The following MCTP1 variants were observed in gnomAD, a reference collection of about 807,000 sequenced individuals.
MCTP1 encodes multiple C2 and transmembrane domain containing 1.
In MCTP1, 69 loss-of-function variants were observed where a neutral mutation model predicts 120.6. That is an observed-to-expected ratio of 0.57 (90% CI 0.47 to 0.70). The LOEUF (loss-of-function observed/expected upper bound fraction) is 0.70. MCTP1 is among the 30% of genes least tolerant of loss of function. MCTP1 has a pLI of 0.00. For synonymous variants in MCTP1, 529 were observed against 493.1 expected, an observed-to-expected ratio of 1.07 and a Z score of -0.96; for missense variants, 1,203 against 1,248.8, an observed-to-expected ratio of 0.96 and a Z score of 0.55.
At chr5:94,894,897 C>G in intron 10 of MCTP1, 62 bp from the exon 11 acceptor site, 1 of 1,015,038 alleles carries the variant, frequency 9.9e-7, no homozygotes. Context: ...TATCAAACAG[C>G]TGTTCAGAGT....
intron 10 of MCTP1, among the ~76,000 whole-genome samples, chr5:94,902,623 CTTATA>C: frequency 6.6e-6 from 1 of 152,222 alleles, no homozygotes; most frequent in Middle Eastern, 3.4e-3. Flanking sequence ...AATATAACAT[CTTATA>C]TTATAAATTG....
At chr5:94,963,612 G>GA (rs913093409) in intron 2 of MCTP1, among the ~76,000 whole-genome samples, 3 of 151,778 alleles carry the variant, frequency 2.0e-5, no homozygotes, top group African/African-American at 7.3e-5. Flanking sequence ...GTCCCCTTTG[G>GA]AAAAATCTCT....
At chr5:95,059,208 C>CATAT (rs60609185) in intron 1 of MCTP1, among the ~76,000 whole-genome samples, 27,529 of 149,420 alleles carry the variant, frequency 0.18, 3,046 homozygotes, top group Non-Finnish European at 0.24. Context: ...GAAAATGTGG[C>CATAT]ATATATATAT....
At chr5:94,748,532 T>A (rs1182838274) in intron 19 of MCTP1, among the ~76,000 whole-genome samples, 4 of 152,326 alleles carry the variant, frequency 2.6e-5, no homozygotes, top group East Asian at 3.9e-4. Flanking sequence ...AGTCCCATGC[T>A]CTGAAAAATT....
At chr5:94,823,692 C>G (rs1257505057) in intron 17 of MCTP1, among the ~76,000 whole-genome samples, 2 of 152,088 alleles carry the variant, frequency 1.3e-5, no homozygotes, top group East Asian at 3.9e-4. Flanking sequence ...AATGTTCTTC[C>G]ATTTGTTTGT....
Position 95,283,966 on chromosome 5 carries a change from T to G in MCTP1, c.610A>C (p.Thr204Pro). ...TCCAGCAGCTGCTCCAGGCAGGCGG[T>G]GCCCGGCAGAGAGGAGCTCTTCTGG... is the stretch of plus-strand genomic sequence containing the variant. ...CHQKSSSLPG[T>P]ACLEQLLEPP... Residue 204 changes from threonine to proline, a missense_variant, in exon 1 of 23, where the codon ACC (threonine) becomes CCC (proline). This residue lies in a region of MCTP1 where 463 missense variants were observed against 377.8 expected (regional missense o/e 1.23). Coordinates refer to ENST00000515393, the MANE Select transcript of MCTP1 (RefSeq NM_024717.7). The G allele has an allele frequency of 7.0e-7, 1 of 1,420,778 alleles. No individual in the cohort carries two copies. The highest frequency in any genetic ancestry group is 9.2e-7 in the Non-Finnish European group (1 of 1,091,658). The allele number at this position is 1,420,778 out of a possible 1,614,324, so 88.0% of individuals were successfully genotyped here. A position where few individuals can be genotyped will look rare whatever the true frequency, so the allele number is the denominator to read the frequency against.
intron 19 of MCTP1, among the ~76,000 whole-genome samples, chr5:94,761,183 C>T (rs1771251323): frequency 6.6e-6 from 1 of 152,076 alleles, no homozygotes; most frequent in South Asian, 2.1e-4. Context: ...GCAGACAGTC[C>T]CAGTAGGCAA....
At chr5:94,838,559 T>C (rs746340459) in intron 17 of MCTP1, among the ~76,000 whole-genome samples, 4 of 152,136 alleles carry the variant, frequency 2.6e-5, no homozygotes, top group Admixed American at 6.5e-5. Context: ...GAAACTCCCA[T>C]ACAATGCACT....
chr5:94,844,064 AG>A (rs1791715813), intron 17 of MCTP1, among the ~76,000 whole-genome samples: 1 of 152,094 alleles, frequency 6.6e-6, no homozygotes, highest in South Asian at 2.1e-4. Flanking sequence ...ACACTTTGGG[AG>A]GCAGAGGCGG....
chr5:95,036,317 T>C (rs1459031812), intron 1 of MCTP1, among the ~76,000 whole-genome samples: 1 of 152,208 alleles, frequency 6.6e-6, no homozygotes, highest in Non-Finnish European at 1.5e-5. Context: ...ATTATAACAA[T>C]TTCAAAGAGG....
At position 95,264,018 on chromosome 5, in the gene MCTP1, G is replaced by A. The variant is rs529751497; in HGVS notation, c.720+19838C>T. ...ATCTTCTTGCAAAGTGTGATGACAG[G>A]GACAGTAAAAGAAGCTGAGGCAGCA... On this transcript the variant is annotated intron_variant, in intron 1 of 22. Transcript: ENST00000515393. 5.8e-4 allele frequency among the ~76,000 whole-genome samples: 88 copies of A among 152,200 alleles called. No individual in the cohort carries two copies. The South Asian group carries it at 8.9e-3, about 15-fold the overall frequency.
chr5:95,260,904 G>A (rs918277023), intron 1 of MCTP1, among the ~76,000 whole-genome samples: 2 of 152,210 alleles, frequency 1.3e-5, no homozygotes, highest in Non-Finnish European at 2.9e-5. Context: ...GTAATGGAGT[G>A]ATAAACAATT....
intron 17 of MCTP1, among the ~76,000 whole-genome samples, chr5:94,856,565 T>C (rs1393869603): frequency 6.6e-6 from 1 of 151,648 alleles, no homozygotes; most frequent in African/African-American, 2.4e-5. Context: ...TGTGAACTAA[T>C]TGCATTCAGA....
chr5:94,953,923 A>ATATATGCATATATATATACAAATAT (rs1165317497), intron 2 of MCTP1, among the ~76,000 whole-genome samples: 2 of 29,034 alleles, frequency 6.9e-5, no homozygotes, highest in South Asian at 9.5e-4. Context: ...ATACAAATAT[A>ATATATGCATATATATATACAAATAT]ATATATGCAT....
In MCTP1 at chr5:95,284,673, T is replaced by TGGCGGTGGC. The variant is rs988600239; in HGVS notation, c.-107_-99dup. 2.5e-5 allele frequency: 26 copies of TGGCGGTGGC among 1,032,164 alleles called. No homozygotes were observed. The Admixed American group carries it at 3.4e-4, about 14-fold the overall frequency. 63.9% of individuals were successfully genotyped at this position (1,032,164 alleles called of 1,614,324 possible). ...ACCTCCTCCCGGGTCCCCGCGGCGC[T>TGGCGGTGGC]GGCGGTGGCGGCGGCGGCGGCGGCG... On this transcript the variant is annotated 5_prime_UTR_variant, in exon 1 of 23. Coordinates refer to ENST00000515393, the MANE Select transcript of MCTP1 (RefSeq NM_024717.7). This position sits in a 1 kb window ranked among gnomAD's most constrained non-coding sequence, Gnocchi z 5.2.
At chr5:95,021,523 G>A (rs546335802) in intron 1 of MCTP1, among the ~76,000 whole-genome samples, 11 of 151,402 alleles carry the variant, frequency 7.3e-5, no homozygotes, top group South Asian at 2.1e-4. Context: ...TTCTTCTTTC[G>A]TCTCTATCTA....
intron 12 of MCTP1, among the ~76,000 whole-genome samples, chr5:94,882,354 G>C (rs1363267200): frequency 1.3e-5 from 2 of 151,668 alleles, no homozygotes; most frequent in African/African-American, 2.4e-5. Flanking sequence ...TACTCTTTAG[G>C]CTTGACTATT....
intron 19 of MCTP1, among the ~76,000 whole-genome samples, chr5:94,758,473 A>C (rs1770498941): frequency 6.6e-6 from 1 of 152,114 alleles, no homozygotes; most frequent in Non-Finnish European, 1.5e-5. Flanking sequence ...AAAAAATAAA[A>C]ATAAAGAAAA....
chr5:95,057,949 T>A (rs1280732971), intron 1 of MCTP1, among the ~76,000 whole-genome samples: 1 of 152,206 alleles, frequency 6.6e-6, no homozygotes, highest in Non-Finnish European at 1.5e-5. Flanking sequence ...AACTGAAGCC[T>A]TATTTATAAT....
Sources: allele counts gnomAD v4.1 joint callset (sites outside exome capture counted in the v4.1 genomes callset), GRCh38; gene constraint gnomAD v4.1.1; regional missense constraint gnomAD v4.1.1; non-coding constraint Gnocchi (gnomAD v3.1); transcripts MANE v1.5; gene names NCBI Gene and HGNC (gene_info 2026-07-23, HGNC 2026-07-21).